Variants in PCDHA8 observed in about 807,000 individuals in gnomAD.
PCDHA8 encodes protocadherin alpha 8.
A neutral mutation model predicts 61.8 loss-of-function variants in PCDHA8; 53 were observed. The observed-to-expected ratio is 0.86, with a 90% CI of 0.69 to 1.08. PCDHA8 has a LOEUF of 1.08. Ranked by LOEUF, PCDHA8 falls within the 50% of genes least tolerant of loss-of-function variation. PCDHA8 has a pLI of 0.00. For synonymous variants in PCDHA8, 618 were observed against 556.6 expected, an observed-to-expected ratio of 1.11 and a Z score of -1.55; for missense variants, 1,293 against 1,245.0, an observed-to-expected ratio of 1.04 and a Z score of -0.58.
chr5:140,995,899 A>G (rs900121248), intron 3 of PCDHA8, among the ~76,000 whole-genome samples: 2 of 152,226 alleles, frequency 1.3e-5, no homozygotes, highest in Non-Finnish European at 2.9e-5. Context: ...ATCAATGTAT[A>G]AAAGAGGAGA....
chr5:140,981,582 A>C (rs2096939117), intron 2 of PCDHA8, among the ~76,000 whole-genome samples: 1 of 152,182 alleles, frequency 6.6e-6, no homozygotes, highest in African/African-American at 2.4e-5. Flanking sequence ...TCAAAAATAA[A>C]TAAAATAAAA....
intron 1 of PCDHA8, chr5:140,966,601 T>C: frequency 1.5e-6 from 1 of 652,170 alleles, no homozygotes; most frequent in East Asian, 3.4e-5. Flanking sequence ...CCAGGAGCCC[T>C]TGGGAGGGCC....
rs1481721691 is a variant in PCDHA8, at chr5:140,842,757, C to T, written c.1436C>T (p.Ala479Val). 2 of 1,594,844 alleles carry T rather than the reference C, an allele frequency of 1.3e-6. No homozygotes were observed. The highest frequency in any genetic ancestry group is 1.7e-6 in the Non-Finnish European group (2 of 1,165,414). Residue 479 changes from alanine to valine, a missense_variant, in exon 1 of 4, where the codon GCG (alanine) becomes GTG (valine). By Grantham distance (64) the Ala-to-Val change is moderately conservative. Transcript: ENST00000531613. Reference protein sequence around the residue: ...PPGCHIFTVSARDADAQENAL... With the variant: ...PPGCHIFTVSVRDADAQENAL... ...GGCTGCCACATCTTCACGGTGTCTG[C>T]GCGAGACGCGGACGCGCAGGAGAAC...
At chr5:140,958,290 T>C (rs1554223401) in intron 1 of PCDHA8, among the ~76,000 whole-genome samples, 1 of 152,154 alleles carries the variant, frequency 6.6e-6, no homozygotes, top group Non-Finnish European at 1.5e-5. Context: ...TTAAATATTA[T>C]TGAACTTAAT....
intron 1 of PCDHA8, among the ~76,000 whole-genome samples, chr5:140,953,914 T>A (rs1554221128): frequency 6.6e-6 from 1 of 152,134 alleles, no homozygotes; most frequent in South Asian, 2.1e-4. Context: ...ATCCATTAGG[T>A]ATTCTTCCTG....
At chr5:140,927,793 C>A in intron 1 of PCDHA8, 1 of 1,614,180 alleles carries the variant, frequency 6.2e-7, no homozygotes, top group Non-Finnish European at 8.5e-7. Context: ...TTCACTAGGT[C>A]CGCCTGAAAC....
chr5:140,908,756 C>A (rs2074138062), intron 1 of PCDHA8, among the ~76,000 whole-genome samples: 1 of 152,106 alleles, frequency 6.6e-6, no homozygotes, highest in Non-Finnish European at 1.5e-5. Flanking sequence ...TTGCACACAG[C>A]CTGGACGTGT....
Position 140,857,393 on chromosome 5 carries a change from G to A in PCDHA8, c.2394+13678G>A, listed in dbSNP as rs146099067. 164 of 1,598,378 alleles carry A rather than the reference G, an allele frequency of 1.0e-4. 11 individuals are homozygous for A. Among genetic ancestry groups the A allele is most frequent in the Non-Finnish European group, 1.3e-4 (157 of 1,167,892 alleles). ...GTCTGTGGAGGTGGCCGACGTGAAC[G>A]ACAACGCGCCTGCGTTCGCGCAGTC... On this transcript the variant is annotated intron_variant, in intron 1 of 3. Coordinates refer to ENST00000531613, the MANE Select transcript of PCDHA8 (RefSeq NM_018911.3).
At chr5:140,888,309 C>T (rs1175163005) in intron 1 of PCDHA8, among the ~76,000 whole-genome samples, 1 of 152,138 alleles carries the variant, frequency 6.6e-6, no homozygotes, top group Admixed American at 6.5e-5. Context: ...GATAATTTGG[C>T]AATGCCTGGA....
At chr5:140,937,878 C>G (rs2091818368) in intron 1 of PCDHA8, among the ~76,000 whole-genome samples, 1 of 150,504 alleles carries the variant, frequency 6.6e-6, no homozygotes, top group Admixed American at 6.6e-5. Context: ...CGCCACTGCA[C>G]TCCAGCCTGG....
chr5:140,856,563 G>A (rs1554148859), intron 1 of PCDHA8: 3 of 1,597,526 alleles, frequency 1.9e-6, no homozygotes, highest in Middle Eastern at 1.7e-4. Context: ...TACAAACTCA[G>A]TCCAAATGAG....
chr5:140,857,663 G>A lies in PCDHA8; in HGVS notation c.2394+13948G>A, dbSNP rs377441915. ...ACAGTTCCAGGTGAGCGCGCGCGAT[G>A]GGGGCGTGCCGCCTCTGGGCAGCAA... On this transcript the variant is annotated intron_variant, in intron 1 of 3. Transcript: ENST00000531613. The A allele has an allele frequency of 1.9e-5, 30 of 1,596,736 alleles. 2 individuals are homozygous for A. Among genetic ancestry groups the A allele is most frequent in the Non-Finnish European group, 2.3e-5 (27 of 1,167,780 alleles).
chr5:140,871,484 A>G, intron 1 of PCDHA8: 1 of 1,592,270 alleles, frequency 6.3e-7, no homozygotes, highest in Non-Finnish European at 8.6e-7. Context: ...GGGTCAAATC[A>G]CCCCGGACAG....
chr5:141,000,389 C>CTATA (rs2097911342), intron 3 of PCDHA8, among the ~76,000 whole-genome samples: 3 of 62,588 alleles, frequency 4.8e-5, no homozygotes, highest in Non-Finnish European at 8.6e-5. Flanking sequence ...CTCTCTCTCT[C>CTATA]TCTCTCTATA....
At position 140,971,223 on chromosome 5, in the gene PCDHA8, C is replaced by T. The variant is rs904012820; in HGVS notation, c.2395-7726C>T. The stretch of plus-strand genomic sequence containing the variant: ...GACACTGTTACCCTCCCTCTCCTGA[C>T]TCAAAGCTTGGGGCAATTTGATACA... On this transcript the variant is annotated intron_variant, in intron 1 of 3. Transcript: ENST00000531613. Among the ~76,000 whole-genome samples, 3 of 152,148 alleles carry T rather than the reference C, an allele frequency of 2.0e-5. No homozygotes were observed. The South Asian group carries it at 6.2e-4, about 31-fold the overall frequency.
At chr5:140,862,923 C>T in intron 1 of PCDHA8, 1 of 546,076 alleles carries the variant, frequency 1.8e-6, no homozygotes, top group South Asian at 1.4e-5. Flanking sequence ...CTTGGGTGGG[C>T]TGGCGGCGCT....
At chr5:140,876,321 G>T (rs2153339560) in intron 1 of PCDHA8, 2 of 1,614,030 alleles carry the variant, frequency 1.2e-6, no homozygotes, top group East Asian at 2.2e-5. Context: ...GGATCAAAAT[G>T]ATTTTGCCAG....
intron 1 of PCDHA8, chr5:140,851,487 C>A: frequency 2.2e-6 from 2 of 889,094 alleles, no homozygotes; most frequent in Non-Finnish European, 1.4e-6. Flanking sequence ...TAAACACAGC[C>A]TTCATTTCAA....
At chr5:140,973,449 C>CT (rs2096588066) in intron 1 of PCDHA8, among the ~76,000 whole-genome samples, 1 of 152,188 alleles carries the variant, frequency 6.6e-6, no homozygotes, top group African/African-American at 2.4e-5. Flanking sequence ...TTTATAATGA[C>CT]TGGGGCTGTT....
Sources: gnomAD v4.1 joint callset for allele counts (sites outside exome capture counted in the v4.1 genomes callset) on GRCh38, gnomAD v4.1.1 for gene constraint, MANE v1.5 for transcripts, NCBI Gene and HGNC (gene_info 2026-07-23, HGNC 2026-07-21) for gene names.